Variants in MTA3 observed in about 807,000 individuals in gnomAD.
The protein encoded by MTA3 is metastasis associated 1 family member 3.
MTA3 carries 34 observed loss-of-function variants against 83.5 expected under a neutral mutation model. The ratio of observed to expected loss-of-function variants is 0.41; its 90% CI spans 0.31 to 0.54. The LOEUF (loss-of-function observed/expected upper bound fraction) is 0.54. Among genes scored for constraint, MTA3 ranks in the 20% least tolerant of loss-of-function variants. The pLI, the probability that MTA3 is intolerant of heterozygous loss-of-function variation, is 0.33. For synonymous variants in MTA3, 303 were observed against 252.7 expected (o/e 1.20, Z -1.89); for missense variants, 761 against 726.4 (o/e 1.05, Z -0.55).
At chr2:42,560,716 C>G (rs937827767) in intron 2 of MTA3, among the ~76,000 whole-genome samples, 6 of 151,660 alleles carry the variant, frequency 4.0e-5, no homozygotes, top group Admixed American at 1.3e-4. Context: ...ACCAGCCTGG[C>G]CAACATAGTA....
At chr2:42,710,376 AACT>A (rs940113732) in intron 14 of MTA3, among the ~76,000 whole-genome samples, 5 of 151,798 alleles carry the variant, frequency 3.3e-5, no homozygotes, top group African/African-American at 4.8e-5. Flanking sequence ...AACATGGTGA[AACT>A]GTCTCTACTA....
intron 2 of MTA3, among the ~76,000 whole-genome samples, chr2:42,517,751 G>C (rs542677132): frequency 6.7e-6 from 1 of 149,204 alleles, no homozygotes; most frequent in African/African-American, 2.5e-5. Context: ...GGTGGCGGGA[G>C]CCTGTAATCC....
rs1159381415 is a variant in MTA3 at position 42,609,452 on chromosome 2, G to A, written c.191-6G>A. ...CTAATAAATTCTTTGAATTTTATTT[G>A]TGTAGAAGAAATTGAGGAAGAATCT... On this transcript the variant is annotated splice_region_variant and splice_polypyrimidine_tract_variant and intron_variant, in intron 3 of 16. Coordinates refer to ENST00000405094, the MANE Select transcript of MTA3 (RefSeq NM_001330442.2). 2 of 1,613,096 alleles carry A rather than the reference G, an allele frequency of 1.2e-6. No individual in the cohort carries two copies. The highest frequency in any genetic ancestry group is 1.7e-6 in the Non-Finnish European group (2 of 1,179,366).
chr2:42,697,898 C>T, intron 11 of MTA3, 64 bp downstream of exon 11: 1 of 1,205,756 alleles, frequency 8.3e-7, no homozygotes, highest in East Asian at 2.8e-5. Flanking sequence ...CAGAATATGT[C>T]ATTTTGTTCA....
intron 2 of MTA3, among the ~76,000 whole-genome samples, chr2:42,531,403 C>G (rs1267130504): frequency 7.1e-6 from 1 of 139,914 alleles, no homozygotes; most frequent in Non-Finnish European, 1.5e-5. Context: ...AGAGTGGATG[C>G]TTTAAACAAT....
intron 2 of MTA3, among the ~76,000 whole-genome samples, chr2:42,517,849 A>T (rs894845378): frequency 7.0e-6 from 1 of 143,014 alleles, no homozygotes; most frequent in Non-Finnish European, 1.5e-5. Flanking sequence ...ACTGCACTCC[A>T]GTGAGACTCT....
At chr2:42,666,134 G>A (rs1690210829) in intron 8 of MTA3, among the ~76,000 whole-genome samples, 2 of 152,070 alleles carry the variant, frequency 1.3e-5, no homozygotes, top group African/African-American at 2.4e-5. Context: ...AAAATTAGCT[G>A]GGTGTGGTGG....
chr2:42,704,431 T>C (rs541666930), intron 12 of MTA3, 113 bp downstream of exon 12: 2 of 1,286,188 alleles, frequency 1.6e-6, no homozygotes, highest in South Asian at 1.5e-5. Context: ...GGCACAAGCA[T>C]GTCTCCTCTA....
chr2:42,748,115 G>A (rs1489482904), intron 16 of MTA3, among the ~76,000 whole-genome samples: 1 of 151,830 alleles, frequency 6.6e-6, no homozygotes, highest in Admixed American at 6.6e-5. Flanking sequence ...TGCAACCTCT[G>A]CCTCCTGGGT....
intron 3 of MTA3, among the ~76,000 whole-genome samples, chr2:42,591,660 TA>T (rs965676478): frequency 6.6e-6 from 1 of 151,628 alleles, no homozygotes; most frequent in African/African-American, 2.4e-5. Context: ...TTTTTATTTT[TA>T]TTTTTTTGAA....
At position 42,495,081 on chromosome 2, in the gene MTA3, A is replaced by T. The variant is rs1260450705; in HGVS notation, c.-233+75A>T. On this transcript the variant is annotated intron_variant, in intron 1 of 17. Transcript: ENST00000405592. Reference sequence around the variant, plus strand: ...AAAAATAAGGGTGGGGTAGGGTGAGATGCGGTCATCTGACCACAGGGTAAC... The same window carrying T: ...AAAAATAAGGGTGGGGTAGGGTGAGTTGCGGTCATCTGACCACAGGGTAAC... The T allele has an allele frequency of 2.6e-5, 4 of 152,710 alleles. No homozygotes were observed. In the East Asian group the frequency reaches 7.7e-4, roughly 29 times the overall value. 9.5% of individuals were successfully genotyped at this position (152,710 alleles called of 1,614,324 possible).
At chr2:42,594,717 TATATATA>T (rs1681507300) in intron 3 of MTA3, among the ~76,000 whole-genome samples, 1 of 40,596 alleles carries the variant, frequency 2.5e-5, no homozygotes, top group African/African-American at 1.7e-4. Context: ...TATATATATA[TATATATA>T]TATATTTTTT....
intron 2 of MTA3, among the ~76,000 whole-genome samples, chr2:42,541,387 G>A (rs1676511299): frequency 6.6e-6 from 1 of 152,164 alleles, no homozygotes; most frequent in South Asian, 2.1e-4. Context: ...TTGTGATGAT[G>A]GGCAGTGGCA....
chr2:42,587,111 T>C (rs368852244), intron 3 of MTA3, among the ~76,000 whole-genome samples: 3 of 152,194 alleles, frequency 2.0e-5, no homozygotes, highest in African/African-American at 7.2e-5. Context: ...GAGAATACCT[T>C]GAACCCAGGA....
intron 2 of MTA3, among the ~76,000 whole-genome samples, chr2:42,509,448 C>T (rs762367423): frequency 1.6e-4 from 24 of 152,122 alleles, no homozygotes; most frequent in Admixed American, 2.6e-4. Context: ...GTTCCTAGAA[C>T]GGTGCTTGGC....
intron 4 of MTA3, among the ~76,000 whole-genome samples, chr2:42,622,992 T>C (rs550089554): frequency 6.6e-6 from 1 of 152,138 alleles, no homozygotes. Context: ...CCAGAAGAGA[T>C]TCACAAGTAT....
chr2:42,549,516 T>A (rs1676993069), intron 2 of MTA3, among the ~76,000 whole-genome samples: 1 of 108,918 alleles, frequency 9.2e-6, no homozygotes, highest in Non-Finnish European at 1.7e-5. Context: ...ATAATATATA[T>A]GATATAATAT....
chr2:42,547,429 G>A (rs1437789198), intron 2 of MTA3, among the ~76,000 whole-genome samples: 4 of 152,272 alleles, frequency 2.6e-5, no homozygotes, highest in Non-Finnish European at 5.9e-5. Flanking sequence ...CTGGGTTCAA[G>A]CGATTCTCGT....
intron 2 of MTA3, among the ~76,000 whole-genome samples, chr2:42,520,726 G>A (rs753115919): frequency 5.9e-5 from 9 of 151,802 alleles, no homozygotes; most frequent in East Asian, 1.9e-4. Context: ...CCACCACACC[G>A]GGCTAATTTT....
Sources: allele counts gnomAD v4.1 joint callset (sites outside exome capture counted in the v4.1 genomes callset), GRCh38; gene constraint gnomAD v4.1.1; transcripts MANE v1.5; gene names NCBI Gene and HGNC (gene_info 2026-07-23, HGNC 2026-07-21).